PVT1: variants seen among roughly 807,000 people sequenced by gnomAD.
The protein encoded by PVT1 is Pvt1 oncogene.
chr8:127,797,022 G>A (rs1458857915), intron 2 of PVT1, among the ~76,000 whole-genome samples: 1 of 152,004 alleles, frequency 6.6e-6, no homozygotes, highest in Non-Finnish European at 1.5e-5. Flanking sequence ...AGGATTACAG[G>A]CATGCATCAC....
At position 127,803,723 on chromosome 8, in the gene PVT1, G is replaced by GTT. The variant is rs11395238; in HGVS notation, n.372+7666_372+7667dup. Among the ~76,000 whole-genome samples, 752 of 141,834 alleles carry GTT rather than the reference G, an allele frequency of 5.3e-3. 17 individuals are homozygous for GTT. The highest frequency in any genetic ancestry group is 0.017 in the South Asian group (73 of 4,400). The allele number at this position is 141,834 out of a possible 152,430, so 93.0% of individuals were successfully genotyped here. ...AACATAGTGAGATCCTGTCTCTACA[G>GTT]TTTTTTTTTTTTTTTGAGACGGAAT... On this transcript the variant is annotated intron_variant and non_coding_transcript_variant, in intron 2 of 10. Coordinates refer to ENST00000651587, the Ensembl canonical transcript of PVT1.
At chr8:128,013,680 G>A (rs1817340401) in intron 4 of PVT1, among the ~76,000 whole-genome samples, 1 of 152,104 alleles carries the variant, frequency 6.6e-6, no homozygotes, top group South Asian at 2.1e-4. Flanking sequence ...CCTTGCTGTG[G>A]GGGAGACTCT....
At chr8:127,985,732 C>T (rs1235706829) in intron 3 of PVT1, among the ~76,000 whole-genome samples, 3 of 152,226 alleles carry the variant, frequency 2.0e-5, no homozygotes, top group Non-Finnish European at 2.9e-5. Context: ...CACTCAGGAG[C>T]TTCCCAGGGG....
At chr8:127,937,266 CT>C in intron 3 of PVT1, among the ~76,000 whole-genome samples, 1 of 119,882 alleles carries the variant, frequency 8.3e-6, no homozygotes, top group South Asian at 2.6e-4. Context: ...TTTCTTTTTT[CT>C]TTTCTTTTCT....
chr8:127,992,845 G>A (rs774161624), intron 4 of PVT1, among the ~76,000 whole-genome samples: 2 of 152,102 alleles, frequency 1.3e-5, no homozygotes, highest in Non-Finnish European at 2.9e-5. Context: ...TGCCACACTG[G>A]TCATGCTGGC....
intron 3 of PVT1, among the ~76,000 whole-genome samples, chr8:127,891,303 C>G: frequency 6.6e-6 from 1 of 152,196 alleles, no homozygotes; most frequent in East Asian, 1.9e-4. Context: ...GGCACAGTCT[C>G]TCATGCTGCA....
rs147377379 is a variant in PVT1, at chr8:127,889,030, CTCTTTCTT to C, written n.373-1554_373-1547del. On this transcript the variant is annotated intron_variant and non_coding_transcript_variant, in intron 2 of 10. Transcript: ENST00000651587. ...TTGTTTCAAACCCCTTTTCCTTTCT[CTCTTTCTT>C]TCTTCCTTCCTTCCTTCCTTCCTTC... 1.9e-3 allele frequency among the ~76,000 whole-genome samples: 171 copies of C among 90,308 alleles called. 1 individual carries two copies. Among genetic ancestry groups the C allele is most frequent in the African/African-American group, 7.1e-3 (158 of 22,342 alleles). 59.2% of individuals were successfully genotyped at this position (90,308 alleles called of 152,430 possible).
chr8:127,991,563 A>G (rs751279192), intron 4 of PVT1, among the ~76,000 whole-genome samples: 11 of 151,810 alleles, frequency 7.2e-5, no homozygotes, highest in Non-Finnish European at 1.5e-4. Context: ...CTATTCTCAT[A>G]TTGGGGAAAA....
intron 2 of PVT1, among the ~76,000 whole-genome samples, chr8:127,831,002 C>T (rs986913293): frequency 3.3e-5 from 5 of 151,250 alleles, no homozygotes; most frequent in African/African-American, 7.3e-5. Context: ...ACCTTGTGAT[C>T]GTATAAGTTA....
At chr8:127,977,068 G>A (rs750735145) in intron 3 of PVT1, among the ~76,000 whole-genome samples, 4 of 152,152 alleles carry the variant, frequency 2.6e-5, no homozygotes, top group Non-Finnish European at 4.4e-5. Flanking sequence ...CCTCTGTGAC[G>A]CCACTGGTTT....
chr8:127,817,490 T>TATATATACATATATATTTAAA (rs1360329681), intron 2 of PVT1, among the ~76,000 whole-genome samples: 1 of 127,364 alleles, frequency 7.9e-6, no homozygotes, highest in Non-Finnish European at 1.6e-5. Context: ...TGTGTGTGTG[T>TATATATACATATATATTTAAA]GTATATACAT....
At chr8:127,945,329 G>C (rs932192591) in intron 3 of PVT1, among the ~76,000 whole-genome samples, 1 of 152,112 alleles carries the variant, frequency 6.6e-6, no homozygotes, top group Non-Finnish European at 1.5e-5. Flanking sequence ...GGAGGCTAAG[G>C]AACATTTTCT....
chr8:128,067,543 CT>C (rs1425254933), intron 4 of PVT1, among the ~76,000 whole-genome samples: 36 of 152,196 alleles, frequency 2.4e-4, no homozygotes, highest in Non-Finnish European at 1.5e-5. Flanking sequence ...CACAGGATGT[CT>C]TGGCAGGATG....
intron 4 of PVT1, among the ~76,000 whole-genome samples, chr8:128,043,445 A>G (rs1311771998): frequency 6.6e-6 from 1 of 152,124 alleles, no homozygotes; most frequent in Non-Finnish European, 1.5e-5. Flanking sequence ...AACTAAGAGA[A>G]CAAAATCAGA....
chr8:128,037,068 G>A (rs1029909044), intron 4 of PVT1, among the ~76,000 whole-genome samples: 45 of 152,130 alleles, frequency 3.0e-4, no homozygotes, highest in African/African-American at 9.9e-4. Context: ...GTCAGCCACC[G>A]CCACTGCCAC....
At chr8:127,798,076 G>C (rs1814417707) in intron 2 of PVT1, among the ~76,000 whole-genome samples, 1 of 152,124 alleles carries the variant, frequency 6.6e-6, no homozygotes, top group South Asian at 2.1e-4. Flanking sequence ...GCTGAGGCAG[G>C]TGGATCACCT....
At chr8:127,998,485 A>G (rs1268125547) in intron 4 of PVT1, 1 of 151,918 alleles carries the variant, frequency 6.6e-6, no homozygotes, top group Admixed American at 6.5e-5. Flanking sequence ...CCCATTTGAC[A>G]TACTTTCTTA....
chr8:128,055,522 T>G (rs1471587138), intron 4 of PVT1, among the ~76,000 whole-genome samples: 1 of 152,210 alleles, frequency 6.6e-6, no homozygotes, highest in Non-Finnish European at 1.5e-5. Flanking sequence ...ATTCTAAAAT[T>G]TATACTTTAC....
At chr8:127,967,018 C>A (rs924245377) in intron 3 of PVT1, among the ~76,000 whole-genome samples, 9 of 152,256 alleles carry the variant, frequency 5.9e-5, no homozygotes, top group African/African-American at 2.2e-4. Context: ...AAAGGAAAAT[C>A]CCGAGGAGGC....
Sources: gnomAD v4.1 joint callset for allele counts (sites outside exome capture counted in the v4.1 genomes callset) on GRCh38, gnomAD v4.1.1 for gene constraint, MANE v1.5 for transcripts, NCBI Gene and HGNC (gene_info 2026-07-23, HGNC 2026-07-21) for gene names.